The following TAF1 variants were observed in gnomAD, a reference collection of about 807,000 sequenced individuals.
The protein encoded by TAF1 is TATA-box binding protein associated factor 1.
In TAF1, 2 loss-of-function variants were observed where a neutral mutation model predicts 138.5. The ratio of observed to expected loss-of-function variants is 0.01; its 90% CI spans 0.01 to 0.05. TAF1 has a LOEUF of 0.05. TAF1 is among the 10% of genes least tolerant of loss of function. The probability of loss-of-function intolerance (pLI) is 1.00; values close to 1 mark genes in which losing one functional copy is unlikely to be tolerated. For missense variants in TAF1, 709 were observed against 1,478.0 expected, an observed-to-expected ratio of 0.48 and a Z score of 8.53; for synonymous variants, 437 against 503.2, an observed-to-expected ratio of 0.87 and a Z score of 1.76.
chrX:71,426,288 A>G lies in TAF1; in HGVS notation c.4753+2050A>G, dbSNP rs1334262802. On this transcript the variant is annotated intron_variant, in intron 32 of 37. Transcript: ENST00000423759. ...CAGGCATGAGCCACCACACCCATCCAGAAGAGAGTTTTCTTAAGCTGAGTT... is the reference window on the plus strand; with the variant it reads ...CAGGCATGAGCCACCACACCCATCCGGAAGAGAGTTTTCTTAAGCTGAGTT... Among the ~76,000 whole-genome samples the G allele has an allele frequency of 3.6e-5, 4 of 111,286 alleles. No individual in the cohort carries two copies. The Admixed American group carries it at 3.8e-4, about 11-fold the overall frequency.
At chrX:71,487,930 C>T (rs893465854) in intron 13 of TAF1, among the ~76,000 whole-genome samples, 2 of 111,999 alleles carry the variant, frequency 1.8e-5, no homozygotes, top group Non-Finnish European at 3.8e-5. Context: ...TATTTCTGTA[C>T]TACTGTAAAT....
At chrX:71,469,040 C>T (rs1277846029), downstream of TAF1, among the ~76,000 whole-genome samples, 2 of 112,414 alleles carry the variant, frequency 1.8e-5, no homozygotes, top group African/African-American at 3.2e-5. Flanking sequence ...CGGTGGCTCA[C>T]GCCTGTAATC....
chrX:71,404,714 C>T (rs1317314437), intron 25 of TAF1, among the ~76,000 whole-genome samples: 1 of 110,991 alleles, frequency 9.0e-6, no homozygotes, highest in Non-Finnish European at 1.9e-5. Flanking sequence ...CTCATCTTCC[C>T]TTATTTCATA....
intron 13 of TAF1, among the ~76,000 whole-genome samples, chrX:71,526,685 C>A (rs2040002653): frequency 9.0e-6 from 1 of 111,501 alleles, no homozygotes; most frequent in Non-Finnish European, 1.9e-5. Flanking sequence ...ATCTAATGTA[C>A]AAGGTATATG....
chrX:71,454,337 C>T, intron 33 of TAF1, 100 bp downstream of exon 33: 1 of 740,406 alleles, frequency 1.4e-6, no homozygotes, highest in Non-Finnish European at 2.0e-6. Context: ...TGGTACACAG[C>T]TGGGACGTGT....
intron 32 of TAF1, among the ~76,000 whole-genome samples, chrX:71,447,921 G>A (rs2037771862): frequency 1.8e-5 from 2 of 111,310 alleles, no homozygotes; most frequent in South Asian, 3.8e-4. Flanking sequence ...AGACCCTACC[G>A]CTCCTTATTT....
At chrX:71,474,609 A>G (rs764618955) in intron 13 of TAF1, among the ~76,000 whole-genome samples, 1 of 112,324 alleles carries the variant, frequency 8.9e-6, no homozygotes, top group South Asian at 3.6e-4. Context: ...CTCTGGCAGT[A>G]TAGCATGGAA....
chrX:71,530,035 CT>C, exon 15 of TAF1: 1 of 167,226 alleles, frequency 6.0e-6, no homozygotes, highest in East Asian at 1.8e-4. Flanking sequence ...TTGTTTTTTC[CT>C]TTTTTACCTT....
intron 34 of TAF1, among the ~76,000 whole-genome samples, chrX:71,456,105 A>T (rs908034402): frequency 9.0e-6 from 1 of 111,677 alleles, no homozygotes; most frequent in African/African-American, 3.3e-5. Flanking sequence ...CAGCTTCCAC[A>T]AGGTACTTTC....
chrX:71,426,251 G>A (rs1314930894), intron 32 of TAF1, among the ~76,000 whole-genome samples: 1 of 111,852 alleles, frequency 8.9e-6, no homozygotes, highest in Non-Finnish European at 1.9e-5. Context: ...GCCTCCCAAA[G>A]TGTTAGGATT....
chrX:71,468,677 TCC>T (rs2038818288), downstream of TAF1, among the ~76,000 whole-genome samples: 1 of 69,472 alleles, frequency 1.4e-5, no homozygotes, highest in African/African-American at 5.9e-5. Flanking sequence ...AAAGTGAGAC[TCC>T]CTCTCAAAAA....
downstream of TAF1, among the ~76,000 whole-genome samples, chrX:71,468,051 G>A (rs183847361): frequency 1.9e-3 from 213 of 110,821 alleles, no homozygotes; most frequent in African/African-American, 6.3e-3. Context: ...GAGCCTGGGA[G>A]TTCAAGACCA....
chrX:71,408,466 G>A (rs1319098392), intron 28 of TAF1, among the ~76,000 whole-genome samples: 1 of 110,324 alleles, frequency 9.1e-6, no homozygotes, highest in Non-Finnish European at 1.9e-5. Context: ...ACAGGCATGC[G>A]CCACCATGCC....
At chrX:71,467,864 T>G (rs1205137980), downstream of TAF1, among the ~76,000 whole-genome samples, 3 of 112,021 alleles carry the variant, frequency 2.7e-5, no homozygotes, top group Non-Finnish European at 3.8e-5. Flanking sequence ...AAGAAAATAT[T>G]ATGATGAGAA....
At chrX:71,386,364 A>C (rs1030207199) in intron 14 of TAF1, among the ~76,000 whole-genome samples, 1 of 111,316 alleles carries the variant, frequency 9.0e-6, no homozygotes, top group Admixed American at 9.6e-5. Context: ...AACTGGCTCA[A>C]ATGTTTCTGT....
At chrX:71,423,729 G>A (rs1439597083) in intron 30 of TAF1, among the ~76,000 whole-genome samples, 1 of 111,771 alleles carries the variant, frequency 8.9e-6, no homozygotes, top group African/African-American at 3.2e-5. Context: ...TTCTCGTTGG[G>A]ACTAGGGAAT....
intron 13 of TAF1, among the ~76,000 whole-genome samples, chrX:71,506,021 G>A (rs1331501103): frequency 3.1e-5 from 3 of 95,941 alleles, no homozygotes; most frequent in Non-Finnish European, 6.3e-5. Flanking sequence ...CTCTGCCTCA[G>A]TAATAATAAT....
chrX:71,459,756 C>T, intron 36 of TAF1, 48 bp downstream of exon 36: 2 of 1,196,494 alleles, frequency 1.7e-6, no homozygotes, highest in African/African-American at 1.7e-5. Flanking sequence ...ACTACAGCAC[C>T]CTCAGAACTG....
chrX:71,506,750 T>G, intron 13 of TAF1, among the ~76,000 whole-genome samples: 1 of 111,164 alleles, frequency 9.0e-6, no homozygotes, highest in Non-Finnish European at 1.9e-5. Flanking sequence ...ACTCCTATGT[T>G]TCTACCGAAA....
Sources: gnomAD v4.1 joint callset for allele counts (sites outside exome capture counted in the v4.1 genomes callset) on GRCh38, gnomAD v4.1.1 for gene constraint, MANE v1.5 for transcripts, NCBI Gene and HGNC (gene_info 2026-07-23, HGNC 2026-07-21) for gene names.